The following TENM3 variants were observed in gnomAD, a reference collection of about 807,000 sequenced individuals.
TENM3 encodes the protein teneurin-3.
Under a neutral mutation model 255.1 loss-of-function variants are expected in TENM3, and 63 were observed. That is an observed-to-expected ratio of 0.25 (90% confidence interval 0.20 to 0.30). TENM3 has a LOEUF of 0.30. TENM3 is among the 10% of genes least tolerant of loss of function. TENM3 has a pLI of 1.00. For missense variants in TENM3, 2,929 were observed against 3,461.1 expected (o/e 0.85, Z 3.86); for synonymous variants, 1,306 against 1,322.3 (o/e 0.99, Z 0.27).
chr4:182,174,697 A>G (rs1423340382), intron 1 of TENM3, among the ~76,000 whole-genome samples: 1 of 152,204 alleles, frequency 6.6e-6, no homozygotes, highest in Non-Finnish European at 1.5e-5. Flanking sequence ...GGAGAACTCT[A>G]GTCCATTAAT....
At chr4:182,735,631 G>C (rs2152722757) in intron 16 of TENM3, among the ~76,000 whole-genome samples, 1 of 152,300 alleles carries the variant, frequency 6.6e-6, no homozygotes, top group Admixed American at 6.5e-5. Context: ...GGAAGCCTTT[G>C]AGAGTACTGT....
intron 1 of TENM3, among the ~76,000 whole-genome samples, chr4:182,194,814 G>A (rs549463025): frequency 6.6e-6 from 1 of 152,282 alleles, no homozygotes; most frequent in African/African-American, 2.4e-5. Flanking sequence ...TTAACCAGAG[G>A]TTTTATTGAT....
chr4:182,251,408 C>A (rs1030175480), intron 1 of TENM3, among the ~76,000 whole-genome samples: 1 of 152,010 alleles, frequency 6.6e-6, no homozygotes. Flanking sequence ...GTCCAGGTTG[C>A]GGTGAGCCAT....
At chr4:182,420,763 G>T (rs1307588530) in intron 3 of TENM3, among the ~76,000 whole-genome samples, 1 of 152,170 alleles carries the variant, frequency 6.6e-6, no homozygotes, top group Non-Finnish European at 1.5e-5. Flanking sequence ...GGTAGGGGCT[G>T]TTATAAAAAC....
At chr4:182,660,934 C>T (rs1402890513) in intron 6 of TENM3, among the ~76,000 whole-genome samples, 1 of 152,150 alleles carries the variant, frequency 6.6e-6, no homozygotes, top group South Asian at 2.1e-4. Flanking sequence ...CCTGACAGAA[C>T]ATTTCAACAC....
At chr4:182,320,145 G>A (rs12500081) in intron 1 of TENM3, among the ~76,000 whole-genome samples, 8,880 of 152,104 alleles carry the variant, frequency 0.058, 457 homozygotes, top group Admixed American at 0.16. Context: ...ATGGAAAGAC[G>A]GATGGTTTAA....
intron 3 of TENM3, among the ~76,000 whole-genome samples, chr4:182,463,510 G>A (rs1172345750): frequency 6.6e-6 from 1 of 151,146 alleles, no homozygotes; most frequent in Non-Finnish European, 1.5e-5. Context: ...TCACTCTGTC[G>A]CCCAGGCTGG....
the TENM3 span, among the ~76,000 whole-genome samples, chr4:181,677,037 A>G: frequency 7.0e-4 from 98 of 139,412 alleles, no homozygotes; most frequent in African/African-American, 2.5e-3. Flanking sequence ...GTCCTTTCTC[A>G]GATTCATCTC....
the TENM3 span, among the ~76,000 whole-genome samples, chr4:181,671,533 A>C: frequency 3.9e-5 from 6 of 152,162 alleles, no homozygotes; most frequent in East Asian, 3.9e-4. Flanking sequence ...TCACTTGAAC[A>C]ATAATACCTG....
chr4:182,144,693 C>T (rs1293159668), exon 1 of TENM3: 2 of 146,306 alleles, frequency 1.4e-5, no homozygotes, highest in African/African-American at 4.9e-5. Context: ...GTGCGCGCGG[C>T]TCGGGCGGAC....
chr4:181,544,664 A>G, the TENM3 span, among the ~76,000 whole-genome samples: 1 of 152,314 alleles, frequency 6.6e-6, no homozygotes, highest in East Asian at 1.9e-4. Context: ...AATTCACATA[A>G]TGTATTCTAA....
At chr4:182,188,669 T>C (rs1394425344) in intron 1 of TENM3, among the ~76,000 whole-genome samples, 1 of 152,200 alleles carries the variant, frequency 6.6e-6, no homozygotes, top group African/African-American at 2.4e-5. Flanking sequence ...AAGTGAAAGA[T>C]CATGATTTGA....
the TENM3 span, among the ~76,000 whole-genome samples, chr4:182,016,415 G>A: frequency 5.9e-5 from 9 of 152,138 alleles, no homozygotes; most frequent in Non-Finnish European, 1.0e-4. Flanking sequence ...TTATTTTCCT[G>A]AGATGGTATT....
the TENM3 span, among the ~76,000 whole-genome samples, chr4:181,782,388 A>G: frequency 1.3e-5 from 2 of 151,898 alleles, no homozygotes; most frequent in Non-Finnish European, 2.9e-5. Flanking sequence ...TTTCTTCTAG[A>G]TTTTCTAGTT....
At chr4:182,293,956 G>T (rs913363406) in intron 1 of TENM3, among the ~76,000 whole-genome samples, 2 of 152,180 alleles carry the variant, frequency 1.3e-5, no homozygotes, top group African/African-American at 4.8e-5. Flanking sequence ...ATGACAATTA[G>T]TGGCATGTGT....
At chr4:182,239,067 G>A (rs1411545960), upstream of TENM3, among the ~76,000 whole-genome samples, 23 of 127,138 alleles carry the variant, frequency 1.8e-4, no homozygotes, top group African/African-American at 6.4e-4. Context: ...GTGTGTGTGT[G>A]TGTGTGTATT....
the TENM3 span, among the ~76,000 whole-genome samples, chr4:181,924,684 A>G: frequency 7.2e-5 from 11 of 152,252 alleles, no homozygotes; most frequent in Admixed American, 7.2e-4. Context: ...AGCTTCATCA[A>G]CAATTTCTCA....
chr4:182,655,472 A>G (rs1316107025), intron 6 of TENM3, among the ~76,000 whole-genome samples: 3 of 152,202 alleles, frequency 2.0e-5, no homozygotes, highest in Non-Finnish European at 4.4e-5. Flanking sequence ...AGACTCCCAC[A>G]GCCTGGGTGC....
At chr4:182,568,179 A>G (rs887997271) in intron 3 of TENM3, among the ~76,000 whole-genome samples, 1 of 152,172 alleles carries the variant, frequency 6.6e-6, no homozygotes, top group East Asian at 1.9e-4. Context: ...CACCTTTACC[A>G]CAGTCATGTA....
Sources: gnomAD v4.1 joint callset for allele counts (sites outside exome capture counted in the v4.1 genomes callset) on GRCh38, gnomAD v4.1.1 for gene constraint, MANE v1.5 for transcripts, NCBI Gene and HGNC (gene_info 2026-07-23, HGNC 2026-07-21) for gene names.